The following SYT1 variants were observed in gnomAD, a reference collection of about 807,000 sequenced individuals.
SYT1 encodes synaptotagmin-1.
Under a neutral mutation model 44.8 loss-of-function variants are expected in SYT1, and 8 were observed. The observed-to-expected ratio is 0.18, with a 90% CI of 0.10 to 0.32. SYT1 has a LOEUF of 0.32. Among genes scored for constraint, SYT1 ranks in the 10% least tolerant of loss-of-function variants. The pLI, the probability that SYT1 is intolerant of heterozygous loss-of-function variation, is 1.00. For synonymous variants in SYT1, 154 were observed against 188.8 expected (o/e 0.82, Z 1.51); for missense variants, 286 against 509.3 (o/e 0.56, Z 4.22).
At chr12:79,081,188 G>A (rs1877007050) in intron 3 of SYT1, among the ~76,000 whole-genome samples, 1 of 152,176 alleles carries the variant, frequency 6.6e-6, no homozygotes, top group African/African-American at 2.4e-5. Flanking sequence ...ATGTGTACGT[G>A]TGTGTGCACC....
chr12:79,417,804 C>G (rs555193313), intron 9 of SYT1, among the ~76,000 whole-genome samples: 2 of 152,106 alleles, frequency 1.3e-5, no homozygotes, highest in African/African-American at 2.4e-5. Context: ...TCCCACCCCC[C>G]ACTTCAACCT....
At chr12:79,350,819 A>G (rs1882867114) in intron 8 of SYT1, among the ~76,000 whole-genome samples, 1 of 152,126 alleles carries the variant, frequency 6.6e-6, no homozygotes, top group Non-Finnish European at 1.5e-5. Context: ...TAAATTGGAT[A>G]TTTTCCTTGC....
At chr12:79,196,402 G>A (rs974072724) in intron 3 of SYT1, among the ~76,000 whole-genome samples, 1 of 151,980 alleles carries the variant, frequency 6.6e-6, no homozygotes, top group Non-Finnish European at 1.5e-5. Context: ...TCTTGACCTC[G>A]TGATCCGCCC....
intron 9 of SYT1, among the ~76,000 whole-genome samples, chr12:79,422,020 C>T (rs912143888): frequency 6.6e-6 from 1 of 152,074 alleles, no homozygotes; most frequent in Non-Finnish European, 1.5e-5. Flanking sequence ...CTGTCACCTT[C>T]TAATTCCTTT....
chr12:79,017,874 G>A (rs1052122504), intron 2 of SYT1, among the ~76,000 whole-genome samples: 1 of 152,072 alleles, frequency 6.6e-6, no homozygotes, highest in Non-Finnish European at 1.5e-5. Flanking sequence ...TAGAAGTCAT[G>A]GCATGGTCCA....
intron 8 of SYT1, among the ~76,000 whole-genome samples, chr12:79,338,096 G>A (rs1050626751): frequency 4.6e-5 from 7 of 151,946 alleles, no homozygotes; most frequent in African/African-American, 1.2e-4. Flanking sequence ...TTTCCACTTC[G>A]CATGTCCTTA....
intron 2 of SYT1, among the ~76,000 whole-genome samples, chr12:79,031,467 A>T (rs950450850): frequency 9.9e-5 from 15 of 151,136 alleles, no homozygotes; most frequent in Admixed American, 4.6e-4. Flanking sequence ...ACGACCTCTC[A>T]GGTTTGTGGA....
intron 4 of SYT1, among the ~76,000 whole-genome samples, chr12:79,262,305 C>T (rs945257834): frequency 6.6e-6 from 1 of 152,138 alleles, no homozygotes; most frequent in Non-Finnish European, 1.5e-5. Flanking sequence ...TCCCAACTTT[C>T]TGAAGAAGAA....
chr12:78,928,583 G>T (rs1285559718), intron 1 of SYT1, among the ~76,000 whole-genome samples: 6 of 152,024 alleles, frequency 3.9e-5, no homozygotes, highest in Non-Finnish European at 5.9e-5. Context: ...GTGCTTTGGG[G>T]TTATTCTGAA....
chr12:78,964,781 T>C (rs1879686569), intron 1 of SYT1, among the ~76,000 whole-genome samples: 1 of 152,126 alleles, frequency 6.6e-6, no homozygotes, highest in Non-Finnish European at 1.5e-5. Flanking sequence ...ACAAAAATAA[T>C]TCTTTTGAAA....
At chr12:79,219,620 G>T (rs574985202) in intron 4 of SYT1, among the ~76,000 whole-genome samples, 3 of 151,978 alleles carry the variant, frequency 2.0e-5, no homozygotes, top group Admixed American at 2.0e-4. Context: ...TCCATTGTGG[G>T]TTCTTGGCTC....
At chr12:79,258,322 A>T (rs1356532644) in intron 4 of SYT1, among the ~76,000 whole-genome samples, 1 of 152,196 alleles carries the variant, frequency 6.6e-6, no homozygotes, top group Non-Finnish European at 1.5e-5. Flanking sequence ...AACAGTTCAA[A>T]GGAAAGAGAG....
chr12:78,937,934 G>A (rs139483469), intron 1 of SYT1, among the ~76,000 whole-genome samples: 6 of 152,178 alleles, frequency 3.9e-5, no homozygotes, highest in Admixed American at 2.6e-4. Context: ...ACTTGGGGAC[G>A]AGCAGATGTG....
intron 3 of SYT1, among the ~76,000 whole-genome samples, chr12:79,209,138 C>A (rs1331626675): frequency 6.6e-6 from 1 of 152,164 alleles, no homozygotes. Flanking sequence ...CAGGGCTGTT[C>A]AATCTCTTGC....
At chr12:79,278,744 C>T (rs571147945) in intron 4 of SYT1, among the ~76,000 whole-genome samples, 19 of 151,468 alleles carry the variant, frequency 1.3e-4, no homozygotes, top group Non-Finnish European at 2.1e-4. Flanking sequence ...TAAATAAAAT[C>T]GATAGACCAA....
At chr12:79,275,267 A>C (rs941884240) in intron 4 of SYT1, among the ~76,000 whole-genome samples, 4 of 152,128 alleles carry the variant, frequency 2.6e-5, no homozygotes, top group Non-Finnish European at 4.4e-5. Context: ...ACAGCAGTCA[A>C]GCAGCCCCTG....
At chr12:78,886,936 T>C (rs533029854) in intron 1 of SYT1, among the ~76,000 whole-genome samples, 1 of 152,062 alleles carries the variant, frequency 6.6e-6, no homozygotes, top group East Asian at 1.9e-4. Context: ...CAGTGTAGGA[T>C]AGAGTGCCAG....
intron 1 of SYT1, among the ~76,000 whole-genome samples, chr12:78,919,148 A>G (rs1389881275): frequency 1.3e-5 from 2 of 152,042 alleles, no homozygotes; most frequent in Non-Finnish European, 2.9e-5. Flanking sequence ...TCCACAGACA[A>G]TAAAGTTACT....
intron 9 of SYT1, among the ~76,000 whole-genome samples, chr12:79,403,200 A>G (rs915466619): frequency 2.6e-5 from 4 of 152,214 alleles, no homozygotes; most frequent in Admixed American, 2.0e-4. Flanking sequence ...CCAGATGGGA[A>G]TAAGACCTTC....
Sources: gnomAD v4.1 joint callset for allele counts (sites outside exome capture counted in the v4.1 genomes callset) on GRCh38, gnomAD v4.1.1 for gene constraint, MANE v1.5 for transcripts, NCBI Gene and HGNC (gene_info 2026-07-23, HGNC 2026-07-21) for gene names.